The following PDIA3 variants were observed in gnomAD, a reference collection of about 807,000 sequenced individuals.
PDIA3 encodes the protein protein disulfide isomerase family A member 3.
A neutral mutation model predicts 56.9 loss-of-function variants in PDIA3; 16 were observed. That is an observed-to-expected ratio of 0.28 (90% CI 0.19 to 0.43). PDIA3 has a LOEUF of 0.43. Ranked by LOEUF, PDIA3 falls within the 20% of genes least tolerant of loss-of-function variation. The pLI, the probability that PDIA3 is intolerant of heterozygous loss-of-function variation, is 1.00. For synonymous variants in PDIA3, 192 were observed against 216.5 expected (o/e 0.89, Z 0.99); for missense variants, 485 against 621.3 (o/e 0.78, Z 2.33).
At chr15:43,751,817 A>T (rs1391163087) in intron 1 of PDIA3, 1 of 1,190,496 alleles carries the variant, frequency 8.4e-7, no homozygotes, top group Non-Finnish European at 1.1e-6. Context: ...ATAAGCATCT[A>T]GAGTTGACAC....
chr15:43,751,767 T>G (rs1321028279), intron 1 of PDIA3: 1 of 1,293,130 alleles, frequency 7.7e-7, no homozygotes, highest in Admixed American at 2.3e-5. Flanking sequence ...CAGTAAGCCA[T>G]GCATACTTTT....
intron 1 of PDIA3, among the ~76,000 whole-genome samples, chr15:43,749,252 CCCGG>C (rs2086728249): frequency 6.6e-6 from 1 of 151,980 alleles, no homozygotes; most frequent in African/African-American, 2.4e-5. Flanking sequence ...CACCACCAAG[CCCGG>C]CTAATTTTTG....
intron 1 of PDIA3, among the ~76,000 whole-genome samples, chr15:43,753,324 C>A (rs752336081): frequency 1.3e-5 from 2 of 152,148 alleles, no homozygotes; most frequent in Non-Finnish European, 2.9e-5. Flanking sequence ...GTGATCTACT[C>A]GCCTTGGCCT....
chr15:43,767,047 A>T, intron 8 of PDIA3, 137 bp downstream of exon 8: 1 of 822,290 alleles, frequency 1.2e-6, no homozygotes, highest in Non-Finnish European at 1.9e-6. Flanking sequence ...CATTTTTCTC[A>T]ATTTAAATAT....
chr15:43,750,042 G>A (rs1596017622), intron 1 of PDIA3, among the ~76,000 whole-genome samples: 2 of 140,260 alleles, frequency 1.4e-5, no homozygotes, highest in African/African-American at 5.2e-5. Context: ...CATGTTTCAA[G>A]TGAAAGTGAA....
At chr15:43,756,602 C>T (rs1447562129) in intron 2 of PDIA3, 47 bp from the exon 3 acceptor site, 2 of 1,066,424 alleles carry the variant, frequency 1.9e-6, no homozygotes, top group East Asian at 2.4e-5. Flanking sequence ...GAAGAACCTG[C>T]AGCAGAAACT....
chr15:43,759,072 C>G lies in PDIA3; in HGVS notation c.364+2306C>G, dbSNP rs570419706. Among the ~76,000 whole-genome samples the G allele has an allele frequency of 3.5e-4, 54 of 152,258 alleles. No individual in the cohort carries two copies. In the South Asian group the frequency reaches 5.2e-3, roughly 15 times the overall value. On this transcript the variant is annotated intron_variant, in intron 3 of 12. Coordinates refer to ENST00000300289, the MANE Select transcript of PDIA3 (RefSeq NM_005313.5). ...TTGGGAGGCTGAGGCAGGCGGATCA[C>G]AAGGTCAGGAGAGCGAGACCATCCT...
intron 2 of PDIA3, among the ~76,000 whole-genome samples, chr15:43,756,033 A>G (rs4924721): frequency 1 from 151,958 of 152,302 alleles, 75,808 homozygotes; most frequent in Middle Eastern, 1. Flanking sequence ...TCATAATCTT[A>G]TGGAGATTAA....
chr15:43,751,725 G>C lies in PDIA3; in HGVS notation c.168-2099G>C, dbSNP rs1307712349. ...AGCCTTGCAGCTTACACACACACCT[G>C]GTTGCTCCCCAGATTTCTGGAGATT... On this transcript the variant is annotated intron_variant, in intron 1 of 12. Coordinates refer to ENST00000300289, the MANE Select transcript of PDIA3 (RefSeq NM_005313.5). 7 of 1,300,574 alleles carry C rather than the reference G, an allele frequency of 5.4e-6. No individual in the cohort carries two copies. The African/African-American group carries it at 1.1e-4, about 20-fold the overall frequency. 80.6% of individuals were successfully genotyped at this position (1,300,574 alleles called of 1,614,324 possible). A position where few individuals can be genotyped will look rare whatever the true frequency, so the allele number is the denominator to read the frequency against.
chr15:43,765,978 A>G lies in PDIA3; in HGVS notation c.811A>G (p.Lys271Glu), dbSNP rs1368342286. The change falls in exon 7 of 13, where the codon AAG (lysine) becomes GAG (glutamate). Residue 271 changes from lysine (K) to glutamate (E), a missense_variant. Lys to Glu is a moderately conservative substitution (Grantham distance 56). Coordinates refer to ENST00000300289, the MANE Select transcript of PDIA3 (RefSeq NM_005313.5). ...TGCTTACTATGATGTGGACTATGAAAAGAACGCTAAAGGTTCCAACTACTG... is the reference window on the plus strand; with the variant it reads ...TGCTTACTATGATGTGGACTATGAAGAGAACGCTAAAGGTTCCAACTACTG... ...LIAYYDVDYEKNAKGSNYWRN... is the reference protein window; with the variant it reads ...LIAYYDVDYEENAKGSNYWRN... The G allele has an allele frequency of 6.2e-7, 1 of 1,613,494 alleles. No individual in the cohort carries two copies. Among genetic ancestry groups the G allele is most frequent in the Non-Finnish European group, 8.5e-7 (1 of 1,179,764 alleles).
At chr15:43,770,891 A>C (rs2086877606) in intron 12 of PDIA3, among the ~76,000 whole-genome samples, 1 of 152,124 alleles carries the variant, frequency 6.6e-6, no homozygotes. Flanking sequence ...TCAGGTGATC[A>C]GCCTGCCTTG....
intron 3 of PDIA3, among the ~76,000 whole-genome samples, chr15:43,758,427 G>C (rs1221603696): frequency 6.6e-6 from 1 of 152,180 alleles, no homozygotes; most frequent in Non-Finnish European, 1.5e-5. Flanking sequence ...GGGAGGCCAA[G>C]GCAGGCAGAT....
At chr15:43,766,134 T>TAAA (rs34486889) in intron 7 of PDIA3, 122 bp downstream of exon 7, 81 of 337,266 alleles carry the variant, frequency 2.4e-4, no homozygotes, top group Middle Eastern at 6.8e-4. Context: ...TAAGAAGAGG[T>TAAA]AAAAAAAAAA....
Position 43,763,090 on chromosome 15 carries a change from T to A in PDIA3, c.486T>A (p.Asp162Glu). 1.2e-6 allele frequency: 2 copies of A among 1,614,060 alleles called. No individual in the cohort carries two copies. Among genetic ancestry groups the A allele is most frequent in the Non-Finnish European group, 1.7e-6 (2 of 1,179,910 alleles). ...TTTTCTGTATAGGTTTTTTCGATGA[T>A]TCATTCAGTGAGGCTCACTCCGAGT... is the stretch of plus-strand genomic sequence containing the variant. ...KDASIVGFFDDSFSEAHSEFL... is the reference protein window; with the variant it reads ...KDASIVGFFDESFSEAHSEFL... Residue 162 changes from aspartate to glutamate, a missense_variant, in exon 5 of 13, where the codon GAT becomes GAA. Transcript: ENST00000300289.
chr15:43,755,407 A>G (rs1340984836), intron 2 of PDIA3, among the ~76,000 whole-genome samples: 1 of 152,208 alleles, frequency 6.6e-6, no homozygotes. Flanking sequence ...TACGAAAATG[A>G]TATGAGGATA....
At chr15:43,756,622 A>C in intron 2 of PDIA3, 27 bp from the exon 3 acceptor site, 1 of 1,291,102 alleles carries the variant, frequency 7.7e-7, no homozygotes, top group East Asian at 2.3e-5. Context: ...TTGGATAAGA[A>C]AATAGTTTGT....
rs748651319 is a variant in PDIA3 at position 43,766,623 on chromosome 15, G to C, written c.846-105G>C. 7.5e-5 allele frequency: 64 copies of C among 852,196 alleles called. No homozygotes were observed. In the African/African-American group the frequency reaches 1.1e-3, roughly 15 times the overall value. The allele number at this position is 852,196 out of a possible 1,614,324, so 52.8% of individuals were successfully genotyped here. On this transcript the variant is annotated intron_variant, in intron 7 of 12. Transcript: ENST00000300289. ...TGTTCAGACTGATTCCAGAAGGCTA[G>C]AACTATAGAACTTAGTCTTTGCTTT...
intron 10 of PDIA3, 120 bp from the exon 11 acceptor site, chr15:43,770,130 C>A: frequency 1.3e-6 from 1 of 763,678 alleles, no homozygotes; most frequent in South Asian, 1.7e-5. Flanking sequence ...CCACCACACC[C>A]GGCTAATTTT....
intron 6 of PDIA3, 135 bp from the exon 7 acceptor site, chr15:43,765,752 G>A (rs374329259): frequency 1.0e-6 from 1 of 953,748 alleles, no homozygotes. Context: ...ATCCTGTAAG[G>A]TATATATTGC....
Sources: gnomAD v4.1 joint callset for allele counts (sites outside exome capture counted in the v4.1 genomes callset) on GRCh38, gnomAD v4.1.1 for gene constraint, MANE v1.5 for transcripts, NCBI Gene and HGNC (gene_info 2026-07-23, HGNC 2026-07-21) for gene names.